ADAMTS2: variants seen among roughly 807,000 people sequenced by gnomAD.
ADAMTS2 encodes the protein ADAM metallopeptidase with thrombospondin type 1 motif 2.
Under a neutral mutation model 123.0 loss-of-function variants are expected in ADAMTS2, and 50 were observed. The ratio of observed to expected loss-of-function variants is 0.41; its 90% CI spans 0.32 to 0.51. The LOEUF (loss-of-function observed/expected upper bound fraction) is 0.51. Among genes scored for constraint, ADAMTS2 ranks in the 20% least tolerant of loss-of-function variants. The pLI, the probability that ADAMTS2 is intolerant of heterozygous loss-of-function variation, is 0.35. For missense variants in ADAMTS2, 1,494 were observed against 1,705.2 expected, an observed-to-expected ratio of 0.88 and a Z score of 2.18; for synonymous variants, 678 against 695.4, an observed-to-expected ratio of 0.98 and a Z score of 0.39.
At chr5:179,264,177 C>A in intron 3 of ADAMTS2, among the ~76,000 whole-genome samples, 1 of 152,166 alleles carries the variant, frequency 6.6e-6, no homozygotes, top group East Asian at 1.9e-4. Flanking sequence ...CACCTGTCGC[C>A]CCACCCCTCT....
intron 5 of ADAMTS2, among the ~76,000 whole-genome samples, chr5:179,161,226 A>T (rs572163325): frequency 2.0e-5 from 3 of 152,178 alleles, no homozygotes; most frequent in African/African-American, 7.2e-5. Flanking sequence ...GAGAGGTCAC[A>T]GTTCTGAAGG....
At chr5:179,289,313 T>G (rs1034460345) in intron 2 of ADAMTS2, among the ~76,000 whole-genome samples, 1 of 151,918 alleles carries the variant, frequency 6.6e-6, no homozygotes, top group Non-Finnish European at 1.5e-5. Context: ...AAAATAAATA[T>G]CCACAGATCA....
chr5:179,137,637 AG>A, intron 12 of ADAMTS2, 131 bp downstream of exon 12: 1 of 1,255,456 alleles, frequency 8.0e-7, no homozygotes, highest in South Asian at 1.4e-5. Flanking sequence ...CACACCAGCC[AG>A]GGTGGGCTCT....
chr5:179,202,186 CG>C lies in ADAMTS2; in HGVS notation c.891+5326del, dbSNP rs1400188737. ...GGAAGACTGCGGCGGCCGGCCTTGCCGGCCCCGACTTCCCCTACCTGTGCCC... is the reference window on the plus strand; with the variant it reads ...GGAAGACTGCGGCGGCCGGCCTTGCCGCCCCGACTTCCCCTACCTGTGCCC... On this transcript the variant is annotated intron_variant, in intron 4 of 21. Transcript: ENST00000251582. The surrounding 1 kb of genome is among the most constrained non-coding windows in gnomAD (Gnocchi z 4.0). Among the ~76,000 whole-genome samples the C allele has an allele frequency of 6.6e-6, 1 of 152,004 alleles. No individual in the cohort carries two copies. Among genetic ancestry groups the C allele is most frequent in the African/African-American group, 2.4e-5 (1 of 41,432 alleles).
At chr5:179,131,308 A>G (rs1312711526) in intron 15 of ADAMTS2, among the ~76,000 whole-genome samples, 1 of 134,756 alleles carries the variant, frequency 7.4e-6, no homozygotes, top group Non-Finnish European at 1.5e-5. Context: ...GCGAGACTCA[A>G]AAAAAAAAAA....
At chr5:179,318,831 G>A (rs1463826666) in intron 2 of ADAMTS2, among the ~76,000 whole-genome samples, 1 of 152,202 alleles carries the variant, frequency 6.6e-6, no homozygotes, top group Non-Finnish European at 1.5e-5. Context: ...GGCCCCGAAG[G>A]GTCTTCCAGG....
At position 179,188,249 on chromosome 5, in the gene ADAMTS2, A is replaced by G. The variant is rs1764220021; in HGVS notation, c.892-7094T>C. On this transcript the variant is annotated intron_variant, in intron 4 of 21. Transcript: ENST00000251582. This position sits in a 1 kb window ranked among gnomAD's most constrained non-coding sequence, Gnocchi z 5.1. ...GTCCAGGAGCAAGCCAGGCCTGAAA[A>G]GTCTGTCAGAGGCCTGGGGGAGGGG... Among the ~76,000 whole-genome samples the G allele has an allele frequency of 6.6e-6, 1 of 152,068 alleles. No individual in the cohort carries two copies. Among genetic ancestry groups the G allele is most frequent in the African/African-American group, 2.4e-5 (1 of 41,422 alleles).
intron 13 of ADAMTS2, among the ~76,000 whole-genome samples, chr5:179,133,860 TC>T (rs1763007713): frequency 6.7e-6 from 1 of 149,194 alleles, no homozygotes; most frequent in South Asian, 2.1e-4. Flanking sequence ...CTGCCTGTAG[TC>T]CCAGCTAATT....
intron 2 of ADAMTS2, among the ~76,000 whole-genome samples, chr5:179,325,145 T>A (rs1179875178): frequency 6.6e-6 from 1 of 152,110 alleles, no homozygotes; most frequent in East Asian, 1.9e-4. Context: ...TTGATGGGTG[T>A]GTGTGATCTT....
chr5:179,311,950 G>T (rs75968206), intron 2 of ADAMTS2, among the ~76,000 whole-genome samples: 4,987 of 152,258 alleles, frequency 0.033, 260 homozygotes, highest in African/African-American at 0.11. Flanking sequence ...ACTCTGCCTT[G>T]CTGAAGGGAA....
At chr5:179,183,390 G>C (rs1014994863) in intron 4 of ADAMTS2, among the ~76,000 whole-genome samples, 5 of 152,190 alleles carry the variant, frequency 3.3e-5, no homozygotes, top group African/African-American at 7.2e-5. Context: ...GAGGGGCCAG[G>C]CTTCTCCTCA....
intron 3 of ADAMTS2, among the ~76,000 whole-genome samples, chr5:179,263,476 A>G (rs951295965): frequency 1.3e-5 from 2 of 152,244 alleles, no homozygotes; most frequent in Non-Finnish European, 2.9e-5. Context: ...CCAGCGCACC[A>G]GCCACCTCTC....
intron 1 of ADAMTS2, among the ~76,000 whole-genome samples, chr5:179,344,872 C>T (rs1757895659): frequency 6.6e-6 from 1 of 152,200 alleles, no homozygotes; most frequent in South Asian, 2.1e-4. Flanking sequence ...CCGCCTCGCC[C>T]TGGCTCCCCC....
intron 21 of ADAMTS2, chr5:179,120,054 A>G (rs1762725853): frequency 6.6e-6 from 1 of 152,158 alleles, no homozygotes; most frequent in South Asian, 2.1e-4. Flanking sequence ...GGAGTGGGGC[A>G]GTAAAGTCAT....
intron 2 of ADAMTS2, among the ~76,000 whole-genome samples, chr5:179,334,422 A>G (rs1395839672): frequency 1.3e-5 from 2 of 152,236 alleles, no homozygotes; most frequent in Non-Finnish European, 1.5e-5. Context: ...GACACATTTT[A>G]TCTTGATTTC....
chr5:179,184,990 G>A (rs1320247220), intron 4 of ADAMTS2, among the ~76,000 whole-genome samples: 2 of 152,160 alleles, frequency 1.3e-5, no homozygotes, highest in Non-Finnish European at 2.9e-5. Flanking sequence ...AACAGAACAG[G>A]GTAGCTCAGC....
rs1765692003 is a variant in ADAMTS2 at position 179,242,502 on chromosome 5, A to G, written c.688+30409T>C. Among the ~76,000 whole-genome samples, 1 of 152,236 alleles carries G rather than the reference A, an allele frequency of 6.6e-6. No individual in the cohort carries two copies. The highest frequency in any genetic ancestry group is 6.5e-5 in the Admixed American group (1 of 15,288). On this transcript the variant is annotated intron_variant, in intron 3 of 21. Coordinates refer to ENST00000251582, the MANE Select transcript of ADAMTS2 (RefSeq NM_014244.5). This position sits in a 1 kb window ranked among gnomAD's most constrained non-coding sequence, Gnocchi z 4.2. ...AGAACAACCATAACTGGTGAAAAGTATTGAAAAGTCACCATCAACAACAAT... is the reference window on the plus strand; with the variant it reads ...AGAACAACCATAACTGGTGAAAAGTGTTGAAAAGTCACCATCAACAACAAT...
chr5:179,231,159 C>G (rs765296716), intron 3 of ADAMTS2, among the ~76,000 whole-genome samples: 1 of 152,166 alleles, frequency 6.6e-6, no homozygotes, highest in Non-Finnish European at 1.5e-5. Flanking sequence ...AGGACAAATA[C>G]GGCACTCGTC....
chr5:179,248,906 A>G (rs956022141), intron 3 of ADAMTS2, among the ~76,000 whole-genome samples: 4 of 152,144 alleles, frequency 2.6e-5, no homozygotes, highest in African/African-American at 9.6e-5. Flanking sequence ...AGACATACAT[A>G]GAGCACCCCA....
Sources: gnomAD v4.1 joint callset for allele counts (sites outside exome capture counted in the v4.1 genomes callset) on GRCh38, gnomAD v4.1.1 for gene constraint, Gnocchi (gnomAD v3.1) non-coding constraint, MANE v1.5 for transcripts, NCBI Gene and HGNC (gene_info 2026-07-23, HGNC 2026-07-21) for gene names.